The following FSTL5 variants were observed in gnomAD, a reference collection of about 807,000 sequenced individuals.
The protein encoded by FSTL5 is follistatin-related protein 5.
A neutral mutation model predicts 89.1 loss-of-function variants in FSTL5; 62 were observed. The ratio of observed to expected loss-of-function variants is 0.70; its 90% confidence interval spans 0.57 to 0.86. The LOEUF (loss-of-function observed/expected upper bound fraction) is 0.86, where lower values mean the gene tolerates loss of function less well. FSTL5 is among the 40% of genes least tolerant of loss of function. FSTL5 has a pLI of 0.00. For missense variants in FSTL5, 1,057 were observed against 1,001.6 expected, an observed-to-expected ratio of 1.06 and a Z score of -0.75; for synonymous variants, 383 against 346.2, an observed-to-expected ratio of 1.11 and a Z score of -1.18.
At chr4:161,883,767 G>A (rs1052866406) in intron 4 of FSTL5, among the ~76,000 whole-genome samples, 3 of 152,138 alleles carry the variant, frequency 2.0e-5, no homozygotes, top group Non-Finnish European at 2.9e-5. Context: ...AGCTTCACAC[G>A]TCTGAGATTC....
intron 15 of FSTL5, 65 bp downstream of exon 15, chr4:161,454,939 C>T: frequency 6.8e-7 from 1 of 1,474,068 alleles, no homozygotes; most frequent in Non-Finnish European, 9.4e-7. Context: ...TTTACGATTT[C>T]ACATGGCTTT....
At chr4:161,727,156 G>A (rs778231989) in intron 6 of FSTL5, among the ~76,000 whole-genome samples, 4 of 152,092 alleles carry the variant, frequency 2.6e-5, no homozygotes, top group Non-Finnish European at 5.9e-5. Context: ...AATTGCAATG[G>A]CTGAACATTT....
intron 2 of FSTL5, among the ~76,000 whole-genome samples, chr4:162,086,348 T>C (rs953101268): frequency 4.6e-5 from 7 of 151,876 alleles, no homozygotes; most frequent in Non-Finnish European, 8.8e-5. Flanking sequence ...TTTCATTCTC[T>C]TCCTCCCTCC....
intron 7 of FSTL5, among the ~76,000 whole-genome samples, chr4:161,618,967 G>A (rs1008561469): frequency 6.6e-6 from 1 of 152,182 alleles, no homozygotes; most frequent in Non-Finnish European, 1.5e-5. Context: ...AACCAAAACA[G>A]CATGGTACTG....
At position 161,444,088 on chromosome 4, in the gene FSTL5, TAGAA is replaced by T. The variant is rs561299923; in HGVS notation, c.1841+10912_1841+10915del. The stretch of plus-strand genomic sequence containing the variant: ...GTATTATATCATTCTAGATATAACA[TAGAA>T]AGAGGAATCTAGTGGTTTTCTGTTT... On this transcript the variant is annotated intron_variant, in intron 15 of 15. Coordinates refer to ENST00000306100, the MANE Select transcript of FSTL5 (RefSeq NM_020116.5). Among the ~76,000 whole-genome samples the T allele has an allele frequency of 3.1e-4, 47 of 152,080 alleles. 1 individual carries two copies. The East Asian group carries it at 8.1e-3, about 26-fold the overall frequency.
intron 1 of FSTL5, among the ~76,000 whole-genome samples, chr4:162,122,930 T>C (rs17041986): frequency 0.062 from 9,474 of 152,162 alleles, 621 homozygotes; most frequent in African/African-American, 0.16. Flanking sequence ...GGGAAAATTA[T>C]TATAGGCTCT....
intron 15 of FSTL5, among the ~76,000 whole-genome samples, chr4:161,409,666 C>A (rs1205503914): frequency 6.6e-6 from 1 of 152,174 alleles, no homozygotes; most frequent in Non-Finnish European, 1.5e-5. Flanking sequence ...AGGCGTGAGC[C>A]ACCGCACCCA....
intron 7 of FSTL5, among the ~76,000 whole-genome samples, chr4:161,633,718 G>C (rs1041205366): frequency 2.0e-5 from 3 of 152,084 alleles, no homozygotes; most frequent in South Asian, 2.1e-4. Context: ...TTAGTAACTA[G>C]ATGTATGGAG....
intron 4 of FSTL5, among the ~76,000 whole-genome samples, chr4:161,778,612 C>T (rs956849768): frequency 3.3e-5 from 5 of 152,270 alleles, no homozygotes; most frequent in Middle Eastern, 3.4e-3. Flanking sequence ...TTTTAGCAAT[C>T]CTGTCAACAA....
At chr4:161,611,860 A>C (rs1734665067) in intron 7 of FSTL5, among the ~76,000 whole-genome samples, 1 of 152,196 alleles carries the variant, frequency 6.6e-6, no homozygotes, top group Admixed American at 6.5e-5. Context: ...CCAAACTCTA[A>C]TCCCCAAAAG....
chr4:161,831,146 G>A (rs1730832550), intron 4 of FSTL5, among the ~76,000 whole-genome samples: 1 of 151,356 alleles, frequency 6.6e-6, no homozygotes, highest in Admixed American at 6.6e-5. Flanking sequence ...GTGAAACGAT[G>A]GCTATGTTCA....
intron 4 of FSTL5, among the ~76,000 whole-genome samples, chr4:161,835,033 T>C (rs1301846600): frequency 6.9e-6 from 1 of 144,982 alleles, no homozygotes; most frequent in South Asian, 2.1e-4. Context: ...GGAGGCATCA[T>C]GATACTTGAC....
chr4:161,963,177 C>A (rs969401710), intron 3 of FSTL5, among the ~76,000 whole-genome samples: 1 of 151,756 alleles, frequency 6.6e-6, no homozygotes, highest in Admixed American at 6.6e-5. Context: ...TTTTTTTTCA[C>A]TTTCTTGTAA....
rs76548498 is a variant in FSTL5 at position 161,805,631 on chromosome 4, G to T, written c.410-29557C>A. On this transcript the variant is annotated intron_variant, in intron 4 of 15. Coordinates refer to ENST00000306100, the MANE Select transcript of FSTL5 (RefSeq NM_020116.5). Reference sequence around the variant, plus strand: ...ATGAATTCAAGCTTGGCTTTGTTGTGTTTGGGGCATCAGGACAAGTATTTT... The same window carrying T: ...ATGAATTCAAGCTTGGCTTTGTTGTTTTTGGGGCATCAGGACAAGTATTTT... Among the ~76,000 whole-genome samples the T allele has an allele frequency of 9.2e-3, 1,405 of 152,174 alleles. 26 individuals are homozygous for T. The highest frequency in any genetic ancestry group is 0.031 in the African/African-American group (1,284 of 41,536).
intron 2 of FSTL5, among the ~76,000 whole-genome samples, chr4:162,098,189 T>C (rs533887670): frequency 6.6e-6 from 1 of 152,128 alleles, no homozygotes; most frequent in South Asian, 2.1e-4. Flanking sequence ...ATCTCAATAT[T>C]ATTCTGAGTG....
intron 4 of FSTL5, among the ~76,000 whole-genome samples, chr4:161,877,479 A>AATTAATAG (rs1248619866): frequency 6.6e-6 from 1 of 151,672 alleles, no homozygotes; most frequent in Non-Finnish European, 1.5e-5. Context: ...TATAATATAC[A>AATTAATAG]TTTAAATTTT....
intron 8 of FSTL5, 115 bp downstream of exon 8, chr4:161,587,340 C>T: frequency 1.1e-6 from 1 of 877,704 alleles, no homozygotes; most frequent in Admixed American, 2.4e-5. Flanking sequence ...TCAGTTGAGT[C>T]TCAAAACTTG....
At chr4:161,680,807 A>C (rs1247594457) in intron 6 of FSTL5, among the ~76,000 whole-genome samples, 3 of 152,060 alleles carry the variant, frequency 2.0e-5, no homozygotes, top group African/African-American at 7.2e-5. Flanking sequence ...ACATTTCAGA[A>C]CACCCAATAA....
intron 10 of FSTL5, among the ~76,000 whole-genome samples, chr4:161,531,744 T>G (rs1383086148): frequency 6.6e-6 from 1 of 152,126 alleles, no homozygotes; most frequent in Non-Finnish European, 1.5e-5. Flanking sequence ...GAGATAATAT[T>G]TAATATTTGA....
Sources: gnomAD v4.1 joint callset for allele counts (sites outside exome capture counted in the v4.1 genomes callset) on GRCh38, gnomAD v4.1.1 for gene constraint, MANE v1.5 for transcripts, NCBI Gene and HGNC (gene_info 2026-07-23, HGNC 2026-07-21) for gene names.